Variants in ENTREP2 observed in about 807,000 individuals in gnomAD.
ENTREP2 encodes the protein endosomal transmembrane epsin interactor 2, also known as protein ENTREP2.
the ENTREP2 span, among the ~76,000 whole-genome samples, chr15:29,594,087 G>C: frequency 6.6e-6 from 1 of 151,842 alleles, no homozygotes; most frequent in African/African-American, 2.4e-5. Context: ...ATCTATAATC[G>C]TTTTCCAAAA....
chr15:29,568,023 G>A, the ENTREP2 span, among the ~76,000 whole-genome samples: 1 of 152,156 alleles, frequency 6.6e-6, no homozygotes, highest in Non-Finnish European at 1.5e-5. Flanking sequence ...ATCTCAGAGG[G>A]CAGGCATATA....
the ENTREP2 span, among the ~76,000 whole-genome samples, chr15:29,406,787 A>G: frequency 4.6e-5 from 7 of 152,218 alleles, no homozygotes; most frequent in East Asian, 3.9e-4. Flanking sequence ...TTTCCCCTCC[A>G]ACACACAGCA....
the ENTREP2 span, among the ~76,000 whole-genome samples, chr15:29,156,342 G>A: frequency 3.7e-4 from 56 of 152,076 alleles, no homozygotes; most frequent in Non-Finnish European, 6.5e-4. Flanking sequence ...CCGCCACCAT[G>A]GCTGGCTAAT....
At chr15:29,432,826 C>A in the ENTREP2 span, among the ~76,000 whole-genome samples, 1 of 152,164 alleles carries the variant, frequency 6.6e-6, no homozygotes, top group African/African-American at 2.4e-5. Context: ...GCCCTCAGCT[C>A]TCCCTGCAGG....
the ENTREP2 span, among the ~76,000 whole-genome samples, chr15:29,361,463 A>G: frequency 6.6e-6 from 1 of 152,194 alleles, no homozygotes; most frequent in Admixed American, 6.5e-5. Flanking sequence ...CTCGATTTCT[A>G]ACTTGCAGCA....
the ENTREP2 span, among the ~76,000 whole-genome samples, chr15:29,215,577 A>AT: frequency 9.0e-5 from 13 of 144,720 alleles, no homozygotes; most frequent in East Asian, 4.0e-4. Flanking sequence ...AAATATATAT[A>AT]ATATATATAT....
At chr15:29,272,036 A>G in the ENTREP2 span, among the ~76,000 whole-genome samples, 9 of 152,230 alleles carry the variant, frequency 5.9e-5, no homozygotes, top group Non-Finnish European at 1.3e-4. Context: ...TGTGAAAATC[A>G]GCAGTGTCCT....
At chr15:29,395,177 C>T in the ENTREP2 span, among the ~76,000 whole-genome samples, 2 of 151,668 alleles carry the variant, frequency 1.3e-5, no homozygotes, top group Non-Finnish European at 2.9e-5. Context: ...CCTGAGCCAC[C>T]GCGCCTGGCC....
the ENTREP2 span, among the ~76,000 whole-genome samples, chr15:29,594,780 AG>A: frequency 2.6e-5 from 4 of 152,082 alleles, no homozygotes; most frequent in African/African-American, 9.7e-5. Flanking sequence ...ATGACCAATG[AG>A]GTGAAGCCCC....
chr15:29,436,826 T>A, the ENTREP2 span, among the ~76,000 whole-genome samples: 4 of 152,248 alleles, frequency 2.6e-5, no homozygotes, highest in Non-Finnish European at 5.9e-5. Context: ...AAAATGTTTT[T>A]CAAACGTATC....
chr15:29,145,523 T>C, the ENTREP2 span, among the ~76,000 whole-genome samples: 2 of 141,864 alleles, frequency 1.4e-5, no homozygotes, highest in African/African-American at 5.3e-5. Flanking sequence ...TTCAGGAGGC[T>C]AAGGCAGGAG....
chr15:29,528,045 C>G, the ENTREP2 span, among the ~76,000 whole-genome samples: 1 of 152,150 alleles, frequency 6.6e-6, no homozygotes, highest in African/African-American at 2.4e-5. Flanking sequence ...CACTGAGCTC[C>G]CCTACCTTCC....
chr15:29,569,544 C>G, the ENTREP2 span: 1 of 152,202 alleles, frequency 6.6e-6, no homozygotes, highest in African/African-American at 2.4e-5. Context: ...CACGATCCAC[C>G]AAATGCAGTT....
At chr15:29,474,549 CTGT>C in the ENTREP2 span, among the ~76,000 whole-genome samples, 8 of 152,064 alleles carry the variant, frequency 5.3e-5, no homozygotes, top group East Asian at 1.9e-4. Flanking sequence ...AAGGTCATTT[CTGT>C]TGTTGTTTTT....
the ENTREP2 span, among the ~76,000 whole-genome samples, chr15:29,371,215 A>C: frequency 6.6e-6 from 1 of 152,076 alleles, no homozygotes; most frequent in African/African-American, 2.4e-5. Flanking sequence ...CAGGAAGACT[A>C]AAGTGGATCT....
chr15:29,598,034 G>T, the ENTREP2 span, among the ~76,000 whole-genome samples: 23 of 151,994 alleles, frequency 1.5e-4, no homozygotes, highest in African/African-American at 5.6e-4. Flanking sequence ...GAGGATGGGG[G>T]ATCTCTTGAG....
At chr15:29,553,925 C>G in the ENTREP2 span, among the ~76,000 whole-genome samples, 1 of 152,172 alleles carries the variant, frequency 6.6e-6, no homozygotes, top group South Asian at 2.1e-4. Flanking sequence ...AAATTCCTCA[C>G]CAACAAGATT....
chr15:29,608,362 A>G, the ENTREP2 span, among the ~76,000 whole-genome samples: 7 of 151,770 alleles, frequency 4.6e-5, no homozygotes, highest in East Asian at 1.9e-4. Flanking sequence ...CTTTCCCCCA[A>G]TGCAGATGGA....
At chr15:29,133,725 C>T in the ENTREP2 span, among the ~76,000 whole-genome samples, 2 of 152,322 alleles carry the variant, frequency 1.3e-5, no homozygotes, top group South Asian at 2.1e-4. Context: ...GCAATGGTGT[C>T]ATTCTGTGGG....
Sources: allele counts gnomAD v4.1 joint callset (sites outside exome capture counted in the v4.1 genomes callset), GRCh38; gene constraint gnomAD v4.1.1; transcripts MANE v1.5; gene names NCBI Gene and HGNC (gene_info 2026-07-23, HGNC 2026-07-21).